IDE: variants seen among roughly 807,000 people sequenced by gnomAD.
IDE encodes insulin degrading enzyme.
In IDE, 58 loss-of-function variants were observed where a neutral mutation model predicts 133.2. That is an observed-to-expected ratio of 0.44 (90% CI 0.35 to 0.54). IDE has a LOEUF of 0.54. Ranked by LOEUF, IDE falls within the 20% of genes least tolerant of loss-of-function variation. The pLI is 0.00. For missense variants in IDE, 981 were observed against 1,234.0 expected (o/e 0.79, Z 3.07); for synonymous variants, 396 against 421.3 (o/e 0.94, Z 0.73).
intron 1 of IDE, among the ~76,000 whole-genome samples, chr10:92,549,466 T>A (rs1309994735): frequency 6.6e-6 from 1 of 151,820 alleles, no homozygotes; most frequent in Non-Finnish European, 1.5e-5. Context: ...TCTCAATCAA[T>A]CAATCAATCA....
intron 21 of IDE, 81 bp downstream of exon 21, chr10:92,463,650 A>T: frequency 7.5e-7 from 1 of 1,326,474 alleles, no homozygotes. Flanking sequence ...ATCACCTACA[A>T]AATGAATACC....
At position 92,483,170 on chromosome 10, in the gene IDE, A is replaced by T. The variant is rs138600898; in HGVS notation, c.1739+85T>A. 1.7e-4 allele frequency: 111 copies of T among 668,552 alleles called. No individual in the cohort carries two copies. In the African/African-American group the frequency reaches 1.9e-3, roughly 12 times the overall value. The allele number at this position is 668,552 out of a possible 1,614,324, so 41.4% of individuals were successfully genotyped here. ...ACTCTAATTCCTTTTATTTCTAGAC[A>T]TGGATGTTTAAGAAGAACAGACAAC... is the stretch of plus-strand genomic sequence containing the variant. On this transcript the variant is annotated intron_variant, in intron 14 of 24. Coordinates refer to ENST00000265986, the MANE Select transcript of IDE (RefSeq NM_004969.4).
At chr10:92,531,362 T>A (rs1564654530) in intron 4 of IDE, among the ~76,000 whole-genome samples, 1 of 152,284 alleles carries the variant, frequency 6.6e-6, no homozygotes, top group East Asian at 1.9e-4. Context: ...GCAGACGCTA[T>A]GCATCTGGAT....
chr10:92,545,192 A>G (rs1011142598), intron 1 of IDE, among the ~76,000 whole-genome samples: 3 of 152,142 alleles, frequency 2.0e-5, no homozygotes, highest in Non-Finnish European at 4.4e-5. Context: ...CTCCCCCACC[A>G]ACACGATGCC....
At chr10:92,566,890 C>G (rs1034046203) in intron 1 of IDE, among the ~76,000 whole-genome samples, 4 of 152,136 alleles carry the variant, frequency 2.6e-5, no homozygotes, top group Non-Finnish European at 4.4e-5. Flanking sequence ...GCAGCAAGAG[C>G]GTTACAGCTG....
At chr10:92,466,517 A>C (rs894996105) in intron 19 of IDE, among the ~76,000 whole-genome samples, 5 of 151,872 alleles carry the variant, frequency 3.3e-5, no homozygotes, top group Non-Finnish European at 5.9e-5. Flanking sequence ...GGGTTTTGCC[A>C]TGTTGGCCAC....
intron 22 of IDE, among the ~76,000 whole-genome samples, chr10:92,458,805 CTCT>C (rs1845189247): frequency 6.6e-6 from 1 of 151,852 alleles, no homozygotes; most frequent in Middle Eastern, 3.4e-3. Context: ...CAGCCCCTCT[CTCT>C]TTTTTTTGAA....
rs1390861123 is a variant in IDE at position 92,508,842 on chromosome 10, T to A, written c.946A>T (p.Thr316Ser). ...TTCTGAAGGTCAGGTATGGGAAATG[T>A]CACATAGAGATTCCTAATATCTTTA... ...PIKDIRNLYV[T>S]FPIPDLQKYY... The change falls in exon 7 of 25, where the codon ACA becomes TCA. Residue 316 changes from threonine to serine, a missense_variant. Thr to Ser is a moderately conservative substitution (Grantham distance 58). Transcript: ENST00000265986. The A allele has an allele frequency of 6.2e-6, 10 of 1,612,956 alleles. No homozygotes were observed. The highest frequency in any genetic ancestry group is 8.5e-6 in the Non-Finnish European group (10 of 1,178,986).
chr10:92,496,095 G>A (rs112011123), intron 11 of IDE, among the ~76,000 whole-genome samples: 8,846 of 151,340 alleles, frequency 0.058, 883 homozygotes, highest in African/African-American at 0.2. Context: ...GGCTGGTCTT[G>A]AACACCCAAC....
At chr10:92,479,231 A>G (rs199770620) in intron 15 of IDE, 46 bp downstream of exon 15, 2 of 1,437,830 alleles carry the variant, frequency 1.4e-6, no homozygotes, top group Non-Finnish European at 1.9e-6. Flanking sequence ...TCAAATCAAT[A>G]TAAAAAATGT....
chr10:92,462,659 G>A (rs1429529521), intron 21 of IDE, among the ~76,000 whole-genome samples: 1 of 152,160 alleles, frequency 6.6e-6, no homozygotes, highest in Non-Finnish European at 1.5e-5. Flanking sequence ...CCTTGGCTCA[G>A]GAGCCAGGCC....
chr10:92,484,206 T>A (rs906636984), intron 13 of IDE, among the ~76,000 whole-genome samples: 6 of 150,398 alleles, frequency 4.0e-5, no homozygotes, highest in African/African-American at 1.5e-4. Context: ...AGGCCGGGAG[T>A]TCGAGACCAT....
intron 20 of IDE, 80 bp from the exon 21 acceptor site, chr10:92,464,083 C>A: frequency 7.2e-7 from 1 of 1,387,300 alleles, no homozygotes; most frequent in South Asian, 1.4e-5. Flanking sequence ...ACTAACCTGT[C>A]TGAGCAAATA....
intron 1 of IDE, among the ~76,000 whole-genome samples, chr10:92,567,334 C>T (rs1843601720): frequency 6.6e-6 from 1 of 152,202 alleles, no homozygotes; most frequent in South Asian, 2.1e-4. Context: ...CTCAAAGTCA[C>T]TCACGCTCAA....
chr10:92,491,000 G>T (rs1326756417), intron 11 of IDE, among the ~76,000 whole-genome samples: 1 of 152,200 alleles, frequency 6.6e-6, no homozygotes, highest in Non-Finnish European at 1.5e-5. Flanking sequence ...CACTTTAGGA[G>T]GCTGAGGCAG....
chr10:92,507,979 A>G lies in IDE; in HGVS notation c.1153+134T>C, dbSNP rs2135537269. On this transcript the variant is annotated intron_variant, in intron 8 of 24. Coordinates refer to ENST00000265986, the MANE Select transcript of IDE (RefSeq NM_004969.4). ...AACAAAGGCCAAGTTACATATGAAA[A>G]ATACAATGGATAAGTTGTATGAATT... 9 of 700,172 alleles carry G rather than the reference A, an allele frequency of 1.3e-5. No individual in the cohort carries two copies. In the South Asian group the frequency reaches 1.7e-4, roughly 13 times the overall value. The allele number at this position is 700,172 out of a possible 1,614,324, so 43.4% of individuals were successfully genotyped here.
chr10:92,462,935 G>A (rs188547621), intron 21 of IDE, among the ~76,000 whole-genome samples: 12 of 152,234 alleles, frequency 7.9e-5, no homozygotes, highest in Admixed American at 5.2e-4. Context: ...GGTGGCTCAC[G>A]CCTGTAATCC....
At chr10:92,554,788 A>C (rs1842933135) in intron 1 of IDE, 2 of 152,142 alleles carry the variant, frequency 1.3e-5, no homozygotes, top group Non-Finnish European at 2.9e-5. Flanking sequence ...CAGAGGTTGC[A>C]GTGAGCCAAG....
At chr10:92,513,992 C>G (rs1171589843) in intron 5 of IDE, among the ~76,000 whole-genome samples, 1 of 152,136 alleles carries the variant, frequency 6.6e-6, no homozygotes, top group East Asian at 1.9e-4. Context: ...ATAAGATATT[C>G]TATTTGCAAT....
Sources: allele counts gnomAD v4.1 joint callset (sites outside exome capture counted in the v4.1 genomes callset), GRCh38; gene constraint gnomAD v4.1.1; transcripts MANE v1.5; gene names NCBI Gene and HGNC (gene_info 2026-07-23, HGNC 2026-07-21).